XIST: variants seen among roughly 807,000 people sequenced by gnomAD.
XIST encodes the protein X inactive specific transcript (non-protein coding).
At chrX:73,844,800 G>A (rs752726414) in exon 1 of XIST, 8 of 554,785 alleles carry the variant, frequency 1.4e-5, no homozygotes, top group African/African-American at 1.1e-4. Flanking sequence ...AGATGAGATA[G>A]GCCGTGTGCA....
At position 73,829,245 on chromosome X, in the gene XIST, T is replaced by G. The variant is rs184904556; in HGVS notation, n.11753-14A>C. On this transcript the variant is annotated splice_polypyrimidine_tract_variant and intron_variant and non_coding_transcript_variant, in intron 4 of 5. Coordinates refer to ENST00000429829, the Ensembl canonical transcript of XIST. ...AACAATGAAGAGCTATAAAAAAACA[T>G]GAGATAAACCATGTAAATGCCATAA... 1.1e-4 allele frequency: 60 copies of G among 549,342 alleles called. 1 individual carries two copies. Among genetic ancestry groups the G allele is most frequent in the African/African-American group, 9.2e-4 (41 of 44,617 alleles). 45.3% of individuals were successfully genotyped at this position (549,342 alleles called of 1,213,427 possible). A position where few individuals can be genotyped will look rare whatever the true frequency, so the allele number is the denominator to read the frequency against.
exon 1 of XIST, chrX:73,841,923 AT>A (rs1922598665): frequency 3.8e-6 from 2 of 523,017 alleles, no homozygotes; most frequent in African/African-American, 2.3e-5. Context: ...GGATTATAAA[AT>A]TTAGGTAGTT....
chrX:73,843,034 G>A (rs1478906374), exon 1 of XIST: 1 of 556,610 alleles, frequency 1.8e-6, no homozygotes, highest in Non-Finnish European at 3.2e-6. Flanking sequence ...ATAGACAAGT[G>A]CATGGAATAC....
chrX:73,842,617 A>G lies in XIST; in HGVS notation n.10107T>C, dbSNP rs41298488. ...GACTGATGGGCTGAAAAATGGGACA[A>G]TCAGTACTGTGTTTATTAATAACAC... On this transcript the variant is annotated non_coding_transcript_exon_variant, in exon 1 of 6. Coordinates refer to ENST00000429829, the Ensembl canonical transcript of XIST. 2.9e-3 allele frequency: 1,605 copies of G among 556,699 alleles called. 4 individuals are homozygous for G. Among genetic ancestry groups the G allele is most frequent in the Non-Finnish European group, 4.2e-3 (1,302 of 308,998 alleles). 45.9% of individuals were successfully genotyped at this position (556,699 alleles called of 1,213,427 possible).
chrX:73,825,469 A>G, exon 6 of XIST: 1 of 524,759 alleles, frequency 1.9e-6, no homozygotes, highest in Non-Finnish European at 3.4e-6. Context: ...CTAGATATCA[A>G]TAATCATTGC....
chrX:73,820,995 T>G (rs1213480973), exon 6 of XIST: 1 of 559,137 alleles, frequency 1.8e-6, no homozygotes, highest in Non-Finnish European at 3.2e-6. Flanking sequence ...GTTCTCTTAT[T>G]CTTGTTTAAT....
At chrX:73,835,468 C>T (rs1413120960) in intron 2 of XIST, among the ~76,000 whole-genome samples, 1 of 112,003 alleles carries the variant, frequency 8.9e-6, no homozygotes, top group African/African-American at 3.2e-5. Context: ...ATTACAGACA[C>T]GCCACTCAAA....
exon 6 of XIST, chrX:73,822,643 A>C (rs1164944428): frequency 1.9e-6 from 1 of 524,294 alleles, no homozygotes; most frequent in East Asian, 3.4e-5. Flanking sequence ...TTGAGATAAC[A>C]GTCACTTCTG....
At chrX:73,844,264 A>G in exon 1 of XIST, 1 of 559,097 alleles carries the variant, frequency 1.8e-6, no homozygotes, top group Non-Finnish European at 3.2e-6. Flanking sequence ...CCATGTGGTG[A>G]TTACATACAT....
chrX:73,841,841 C>T (rs1406789507), exon 1 of XIST: 1 of 513,501 alleles, frequency 1.9e-6, no homozygotes, highest in South Asian at 2.5e-5. Context: ...TGCATATGTT[C>T]CCTCATTTAA....
In XIST at chrX:73,821,905, A is replaced by G. The variant is rs1380925588; in HGVS notation, n.17996T>C. On this transcript the variant is annotated non_coding_transcript_exon_variant, in exon 6 of 6. Transcript: ENST00000429829. ...TTCTTGAGCAGATTTGATGATAAAAAGGAGAACATTTCTAAGGTATAATTA... is the reference window on the plus strand; with the variant it reads ...TTCTTGAGCAGATTTGATGATAAAAGGGAGAACATTTCTAAGGTATAATTA... 7.2e-6 allele frequency: 4 copies of G among 554,285 alleles called. No homozygotes were observed. The Admixed American group carries it at 9.0e-5, about 12-fold the overall frequency. The allele number at this position is 554,285 out of a possible 1,213,427, so 45.7% of individuals were successfully genotyped here. A position where few individuals can be genotyped will look rare whatever the true frequency, so the allele number is the denominator to read the frequency against.
In XIST at chrX:73,842,490, T is replaced by C. The variant is rs1246967523; in HGVS notation, n.10234A>G. 1.6e-5 allele frequency: 9 copies of C among 553,194 alleles called. No individual in the cohort carries two copies. In the Admixed American group the frequency reaches 1.8e-4, roughly 11 times the overall value. The allele number at this position is 553,194 out of a possible 1,213,427, so 45.6% of individuals were successfully genotyped here. On this transcript the variant is annotated non_coding_transcript_exon_variant, in exon 1 of 6. Transcript: ENST00000429829. ...CTGACAATAATTGAAACTAGGATCA[T>C]TAATAAATGAAAGAAAATGAGTGAA...
chrX:73,845,905 GC>G, exon 1 of XIST: 1 of 557,689 alleles, frequency 1.8e-6, no homozygotes, highest in East Asian at 3.3e-5. Context: ...AAGAAAAGGG[GC>G]CTTGGTGATC....
exon 1 of XIST, chrX:73,841,760 AC>A: frequency 2.0e-6 from 1 of 501,244 alleles, no homozygotes; most frequent in Non-Finnish European, 3.5e-6. Flanking sequence ...TCAAATTATT[AC>A]TATAATTAAA....
At chrX:73,848,429 G>A (rs1184959327) in exon 1 of XIST, 1 of 557,701 alleles carries the variant, frequency 1.8e-6, no homozygotes, top group Non-Finnish European at 3.2e-6. Context: ...TAGTACAGAG[G>A]TCTTGAGTAG....
chrX:73,848,165 T>C (rs1284974684), exon 1 of XIST: 2 of 558,183 alleles, frequency 3.6e-6, no homozygotes, highest in Middle Eastern at 3.1e-4. Flanking sequence ...GATCTTAATT[T>C]AATGGAAAAG....
rs770924577 is a variant in XIST at position 73,847,367 on chromosome X, G to A, written n.5357C>T. 1.9e-5 allele frequency: 10 copies of A among 516,870 alleles called. No homozygotes were observed. In the East Asian group the frequency reaches 3.6e-4, roughly 18 times the overall value. 42.6% of individuals were successfully genotyped at this position (516,870 alleles called of 1,213,427 possible). ...AGCACTCCTGCTGCTTTGCCAAGGA[G>A]GTGTGAGGGGGATGGGATTCCAGGG... On this transcript the variant is annotated non_coding_transcript_exon_variant, in exon 1 of 6. Transcript: ENST00000429829.
At chrX:73,829,580 C>G (rs1922337843) in intron 4 of XIST, 1 of 130,734 alleles carries the variant, frequency 7.6e-6, no homozygotes, top group Non-Finnish European at 1.5e-5. Context: ...CACCTGAGGT[C>G]AGGAGTTTGA....
chrX:73,826,640 G>A lies in XIST; in HGVS notation n.13261C>T, dbSNP rs1424138430. The stretch of plus-strand genomic sequence containing the variant: ...AACAATAGAAAAGAGGTAGGGTTTA[G>A]GGTTCTCATCTTGGGATTTCCCCAG... On this transcript the variant is annotated non_coding_transcript_exon_variant, in exon 6 of 6. Coordinates refer to ENST00000429829, the Ensembl canonical transcript of XIST. 2.5e-5 allele frequency: 14 copies of A among 557,490 alleles called. No individual in the cohort carries two copies. The East Asian group carries it at 4.6e-4, about 18-fold the overall frequency. 45.9% of individuals were successfully genotyped at this position (557,490 alleles called of 1,213,427 possible). A position where few individuals can be genotyped will look rare whatever the true frequency, so the allele number is the denominator to read the frequency against.
Sources: gnomAD v4.1 joint callset for allele counts (sites outside exome capture counted in the v4.1 genomes callset) on GRCh38, gnomAD v4.1.1 for gene constraint, MANE v1.5 for transcripts, NCBI Gene and HGNC (gene_info 2026-07-23, HGNC 2026-07-21) for gene names.